CALN1: variants seen among roughly 807,000 people sequenced by gnomAD.
CALN1 encodes the protein calcium-binding protein 8.
In CALN1, 17 loss-of-function variants were observed where a neutral mutation model predicts 30.6. The observed-to-expected ratio is 0.56, with a 90% CI of 0.38 to 0.83. The LOEUF is 0.83. Ranked by LOEUF, CALN1 falls within the 40% of genes least tolerant of loss-of-function variation. The probability of loss-of-function intolerance (pLI) is 0.00; values close to 1 mark genes in which losing one functional copy is unlikely to be tolerated. For missense variants in CALN1, 291 were observed against 354.9 expected, an observed-to-expected ratio of 0.82 and a Z score of 1.45; for synonymous variants, 156 against 131.4, an observed-to-expected ratio of 1.19 and a Z score of -1.28.
At chr7:72,007,050 T>C (rs1799808161) in intron 5 of CALN1, among the ~76,000 whole-genome samples, 1 of 152,188 alleles carries the variant, frequency 6.6e-6, no homozygotes. Context: ...TGAGAGACAG[T>C]TCTTCCTCAC....
At chr7:72,179,259 C>T (rs975260620) in intron 3 of CALN1, among the ~76,000 whole-genome samples, 21 of 152,290 alleles carry the variant, frequency 1.4e-4, no homozygotes, top group African/African-American at 5.1e-4. Context: ...AAATAAGTTT[C>T]ACGGGTAATT....
intron 3 of CALN1, among the ~76,000 whole-genome samples, chr7:72,235,937 C>T (rs1236459485): frequency 6.6e-6 from 1 of 151,888 alleles, no homozygotes; most frequent in Non-Finnish European, 1.5e-5. Flanking sequence ...GCCCTGGGGT[C>T]CAAATAACCT....
At position 72,412,304 on chromosome 7, in the gene CALN1, C is replaced by T. The variant is rs933485243; in HGVS notation, c.-320G>A. 1 of 152,090 alleles carries T rather than the reference C, an allele frequency of 6.6e-6. No individual in the cohort carries two copies. The highest frequency in any genetic ancestry group is 2.1e-4 in the South Asian group (1 of 4,822). 9.4% of individuals were successfully genotyped at this position (152,090 alleles called of 1,614,324 possible). A position where few individuals can be genotyped will look rare whatever the true frequency, so the allele number is the denominator to read the frequency against. Reference sequence around the variant, plus strand: ...TATTAAGAAGCAGGAAAGAAAAAAACACAAACTCAAGCGGATAGCACCCCA... The same window carrying T: ...TATTAAGAAGCAGGAAAGAAAAAAATACAAACTCAAGCGGATAGCACCCCA... On this transcript the variant is annotated 5_prime_UTR_variant, in exon 1 of 7. Coordinates refer to ENST00000395275, the MANE Select transcript of CALN1 (RefSeq NM_031468.4).
At chr7:71,882,850 TTGTGTG>T (rs34870061) in intron 5 of CALN1, among the ~76,000 whole-genome samples, 1,321 of 130,996 alleles carry the variant, frequency 0.01, 15 homozygotes, top group African/African-American at 0.032. Context: ...CCCATCTAAT[TTGTGTG>T]TGTGTGTGTG....
chr7:71,823,874 TGGCA>T (rs1224662342), intron 5 of CALN1, among the ~76,000 whole-genome samples: 1 of 152,108 alleles, frequency 6.6e-6, no homozygotes, highest in Non-Finnish European at 1.5e-5. Context: ...TCTTATATGG[TGGCA>T]GGTAAGAGAG....
rs1443958769 is a variant in CALN1 at position 71,799,450 on chromosome 7, T to TTTATTTATTTAG, written c.658+10885_658+10886insCTAAATAAATAA. 1.6e-3 allele frequency among the ~76,000 whole-genome samples: 111 copies of TTTATTTATTTAG among 69,120 alleles called. 1 individual carries two copies. Among genetic ancestry groups the TTTATTTATTTAG allele is most frequent in the African/African-American group, 3.8e-3 (105 of 27,776 alleles). The allele number at this position is 69,120 out of a possible 152,430, so 45.3% of individuals were successfully genotyped here. On this transcript the variant is annotated intron_variant, in intron 6 of 6. Coordinates refer to ENST00000395275, the MANE Select transcript of CALN1 (RefSeq NM_031468.4). ...ATTTATTTATTTATTTATTTATTTA[T>TTTATTTATTTAG]TTAGTTAGTTAGTTAGTTAGTTAGT...
chr7:72,034,640 T>C (rs1278656710), intron 4 of CALN1, among the ~76,000 whole-genome samples: 2 of 151,392 alleles, frequency 1.3e-5, no homozygotes, highest in African/African-American at 2.4e-5. Flanking sequence ...ACACAAAAAT[T>C]AGCCAGGCAT....
chr7:72,268,566 G>A (rs1796745736), intron 3 of CALN1, among the ~76,000 whole-genome samples: 1 of 152,122 alleles, frequency 6.6e-6, no homozygotes. Context: ...AACACTTTGG[G>A]AGGATGAGGC....
At chr7:71,880,204 G>A (rs1191518610) in intron 5 of CALN1, among the ~76,000 whole-genome samples, 3 of 152,190 alleles carry the variant, frequency 2.0e-5, no homozygotes, top group African/African-American at 7.2e-5. Context: ...AGGTTGATTA[G>A]TTTGATCCTT....
At chr7:71,973,244 C>T (rs1411833370) in intron 5 of CALN1, among the ~76,000 whole-genome samples, 12 of 151,954 alleles carry the variant, frequency 7.9e-5, no homozygotes, top group Admixed American at 6.6e-4. Context: ...GGCACAATCT[C>T]GGCTCACTGC....
At position 72,081,052 on chromosome 7, in the gene CALN1, G is replaced by A. The variant is rs571928700; in HGVS notation, c.388+25099C>T. Among the ~76,000 whole-genome samples, 22 of 152,152 alleles carry A rather than the reference G, an allele frequency of 1.4e-4. No homozygotes were observed. In the South Asian group the frequency reaches 3.7e-3, roughly 26 times the overall value. On this transcript the variant is annotated intron_variant, in intron 4 of 6. Coordinates refer to ENST00000395275, the MANE Select transcript of CALN1 (RefSeq NM_031468.4). The stretch of plus-strand genomic sequence containing the variant: ...GGATAGCTGAGGACAATGCACCCAC[G>A]CTCACTTTTCGCAATTGATCATGTC...
intron 2 of CALN1, among the ~76,000 whole-genome samples, chr7:72,354,668 CCAAATTAATT>C (rs1372885660): frequency 6.6e-6 from 1 of 152,078 alleles, no homozygotes; most frequent in Non-Finnish European, 1.5e-5. Flanking sequence ...CACAAAGGTG[CCAAATTAATT>C]CAAATTAATT....
At chr7:71,810,550 C>G (rs1046834380) in intron 5 of CALN1, 58 bp from the exon 6 acceptor site, 2 of 1,570,350 alleles carry the variant, frequency 1.3e-6, no homozygotes, top group Admixed American at 3.5e-5. Context: ...GAAGTTGGCT[C>G]GGGCCATGAC....
At chr7:72,167,053 G>C (rs763260541) in intron 3 of CALN1, among the ~76,000 whole-genome samples, 5 of 151,918 alleles carry the variant, frequency 3.3e-5, no homozygotes, top group African/African-American at 4.8e-5. Context: ...AAAAGAAAAA[G>C]AAAAAGAAAA....
intron 5 of CALN1, among the ~76,000 whole-genome samples, chr7:71,907,095 A>G (rs1024433044): frequency 1.4e-4 from 22 of 152,180 alleles, no homozygotes; most frequent in African/African-American, 5.3e-4. Context: ...CATTCTCTGC[A>G]TGTGGTTTGT....
intron 5 of CALN1, among the ~76,000 whole-genome samples, chr7:71,998,223 G>C (rs1799349374): frequency 6.6e-6 from 1 of 152,072 alleles, no homozygotes; most frequent in African/African-American, 2.4e-5. Context: ...ACCATGATCA[G>C]ATTTACCCTT....
intron 2 of CALN1, among the ~76,000 whole-genome samples, chr7:72,310,925 A>AAAAC (rs1562871467): frequency 6.7e-6 from 1 of 149,068 alleles, no homozygotes. Flanking sequence ...AAAAAAAAAA[A>AAAAC]AAACAAAAAT....
rs553439034 is a variant in CALN1, at chr7:72,389,812, G to A, written c.119+13439C>T. On this transcript the variant is annotated intron_variant, in intron 2 of 6. Transcript: ENST00000395275. The stretch of plus-strand genomic sequence containing the variant: ...TGCATGCCTGTAATCCCAGCTACTC[G>A]GGAGGCTGAGGCAGGAGAATCCCTT... Among the ~76,000 whole-genome samples, 482 of 151,820 alleles carry A rather than the reference G, an allele frequency of 3.2e-3. 2 individuals carry two copies. The highest frequency in any genetic ancestry group is 0.011 in the African/African-American group (460 of 41,152).
chr7:72,338,278 G>A (rs533669162), intron 2 of CALN1, among the ~76,000 whole-genome samples: 1 of 152,202 alleles, frequency 6.6e-6, no homozygotes, highest in East Asian at 1.9e-4. Context: ...TGGTGGCAAA[G>A]ACTGCTCACC....
Sources: gnomAD v4.1 joint callset for allele counts (sites outside exome capture counted in the v4.1 genomes callset) on GRCh38, gnomAD v4.1.1 for gene constraint, MANE v1.5 for transcripts, NCBI Gene and HGNC (gene_info 2026-07-23, HGNC 2026-07-21) for gene names.